NR3C2: variants seen among roughly 807,000 people sequenced by gnomAD.
The protein encoded by NR3C2 is mineralocorticoid receptor.
NR3C2 carries 15 observed loss-of-function variants against 86.4 expected under a neutral mutation model. The observed-to-expected ratio is 0.17, with a 90% CI of 0.12 to 0.27. The LOEUF is 0.27. NR3C2 is among the 10% of genes least tolerant of loss of function. The probability of loss-of-function intolerance (pLI) is 1.00; values close to 1 mark genes in which losing one functional copy is unlikely to be tolerated. For synonymous variants in NR3C2, 458 were observed against 450.5 expected (o/e 1.02, Z -0.21); for missense variants, 960 against 1,195.6 (o/e 0.80, Z 2.91).
chr4:148,287,299 T>G (rs1429686909), intron 2 of NR3C2, among the ~76,000 whole-genome samples: 1 of 152,252 alleles, frequency 6.6e-6, no homozygotes, highest in African/African-American at 2.4e-5. Context: ...TCTGATGCTC[T>G]GCCAGACACT....
intron 2 of NR3C2, among the ~76,000 whole-genome samples, chr4:148,400,762 G>C (rs953597210): frequency 8.0e-6 from 1 of 124,432 alleles, no homozygotes; most frequent in Non-Finnish European, 1.6e-5. Context: ...CTGGGCGACT[G>C]AGTGAGACTC....
At chr4:148,107,997 A>G (rs1413580266) in intron 8 of NR3C2, among the ~76,000 whole-genome samples, 3 of 152,230 alleles carry the variant, frequency 2.0e-5, no homozygotes, top group Non-Finnish European at 4.4e-5. Flanking sequence ...CATGTATCCC[A>G]GAACTTAAAG....
intron 2 of NR3C2, among the ~76,000 whole-genome samples, chr4:148,302,846 C>CAA (rs35574035): frequency 0.045 from 3,953 of 88,366 alleles, 235 homozygotes; most frequent in African/African-American, 0.17. Flanking sequence ...AACTCCGTCT[C>CAA]AAAAAAAAAA....
intron 2 of NR3C2, among the ~76,000 whole-genome samples, chr4:148,399,423 TTATA>T (rs1748027760): frequency 6.6e-6 from 1 of 151,762 alleles, no homozygotes; most frequent in Admixed American, 6.6e-5. Context: ...ATATAGTGTA[TTATA>T]TATAATTAAT....
At chr4:148,442,707 G>T (rs895353722), upstream of NR3C2, 1 of 985,410 alleles carries the variant, frequency 1.0e-6, no homozygotes, top group Non-Finnish European at 1.2e-6. Flanking sequence ...ACACAGCCTG[G>T]ACTCGGCAGC....
chr4:148,148,340 C>T (rs568313076), intron 6 of NR3C2, among the ~76,000 whole-genome samples: 13 of 152,328 alleles, frequency 8.5e-5, no homozygotes, highest in South Asian at 2.1e-4. Context: ...GGATTCCCAT[C>T]GCAGCCTCCT....
chr4:148,388,364 C>T (rs1327551647), intron 2 of NR3C2, among the ~76,000 whole-genome samples: 1 of 152,152 alleles, frequency 6.6e-6, no homozygotes, highest in Non-Finnish European at 1.5e-5. Context: ...CAAAACACTC[C>T]AGTGAGCATT....
intron 2 of NR3C2, among the ~76,000 whole-genome samples, chr4:148,279,083 A>G (rs1741108148): frequency 6.6e-6 from 1 of 152,136 alleles, no homozygotes; most frequent in Non-Finnish European, 1.5e-5. Context: ...GAATTGCTTG[A>G]ACTCAGGAGG....
chr4:148,321,610 T>C (rs1212492094), intron 2 of NR3C2, among the ~76,000 whole-genome samples: 7 of 152,208 alleles, frequency 4.6e-5, no homozygotes, highest in Non-Finnish European at 8.8e-5. Context: ...TCTTGTTGAA[T>C]TGATCCTTTT....
chr4:148,428,014 C>T (rs1034248139), intron 2 of NR3C2, among the ~76,000 whole-genome samples: 4 of 152,162 alleles, frequency 2.6e-5, no homozygotes, highest in Non-Finnish European at 4.4e-5. Flanking sequence ...TTTCAAAGTA[C>T]CTTCCACAAA....
At chr4:148,379,190 G>A (rs1746833400) in intron 2 of NR3C2, among the ~76,000 whole-genome samples, 1 of 151,760 alleles carries the variant, frequency 6.6e-6, no homozygotes, top group East Asian at 1.9e-4. Flanking sequence ...ATCTCTTTCA[G>A]AATGTGCATA....
At chr4:148,247,796 A>G (rs148602538) in intron 3 of NR3C2, among the ~76,000 whole-genome samples, 1 of 151,840 alleles carries the variant, frequency 6.6e-6, no homozygotes, top group Non-Finnish European at 1.5e-5. Flanking sequence ...TTTATCCCAA[A>G]TTGGCTCTAG....
chr4:148,404,307 TAAAAG>T (rs1483973656), intron 2 of NR3C2, among the ~76,000 whole-genome samples: 2 of 152,242 alleles, frequency 1.3e-5, no homozygotes, highest in East Asian at 3.9e-4. Flanking sequence ...AGGATTCACT[TAAAAG>T]AAGTGTTCAT....
intron 4 of NR3C2, among the ~76,000 whole-genome samples, chr4:148,184,474 G>A (rs1406972740): frequency 2.6e-5 from 4 of 151,536 alleles, no homozygotes; most frequent in Admixed American, 6.6e-5. Context: ...AAAAAAGAAT[G>A]ATAAGGATAG....
At chr4:148,388,099 G>A (rs72656897) in intron 2 of NR3C2, among the ~76,000 whole-genome samples, 199 of 152,206 alleles carry the variant, frequency 1.3e-3, no homozygotes, top group African/African-American at 4.5e-3. Context: ...TGTCTTGTTT[G>A]GAAATTCTAA....
chr4:148,087,314 G>A (rs1431599701), intron 8 of NR3C2, among the ~76,000 whole-genome samples: 2 of 152,058 alleles, frequency 1.3e-5, no homozygotes, highest in South Asian at 2.1e-4. Flanking sequence ...GAAAATGGCC[G>A]TACTGCCCAA....
Position 148,154,782 on chromosome 4 carries a change from C to G in NR3C2, c.2134G>C (p.Ala712Pro), listed in dbSNP as rs1202370477. ...QSPEEGTTYIAPAKEPSVNTA... is the reference protein window; with the variant it reads ...QSPEEGTTYIPPAKEPSVNTA... ...TTGACCGAGGGTTCTTTTGCAGGAG[C>G]GATGTACGTTGTCCCTTCCTCTGGG... Residue 712 changes from alanine (A) to proline (P), a missense_variant, in exon 5 of 9, where the codon GCT (alanine) becomes CCT (proline). By Grantham distance (27) the Ala-to-Pro change is conservative. This residue lies in a region of NR3C2 where 82 missense variants were observed against 73.0 expected (regional missense o/e 1.12). Transcript: ENST00000358102. 2.0e-6 allele frequency: 3 copies of G among 1,531,610 alleles called. No homozygotes were observed. The highest frequency in any genetic ancestry group is 2.6e-6 in the Non-Finnish European group (3 of 1,140,130). 94.9% of individuals were successfully genotyped at this position (1,531,610 alleles called of 1,614,324 possible).
intron 3 of NR3C2, among the ~76,000 whole-genome samples, chr4:148,249,354 C>A (rs1276592165): frequency 6.6e-6 from 1 of 151,848 alleles, no homozygotes; most frequent in Non-Finnish European, 1.5e-5. Context: ...GTAAAAAGAA[C>A]TTAATGAGCC....
intron 2 of NR3C2, among the ~76,000 whole-genome samples, chr4:148,269,937 T>C (rs1053457154): frequency 6.6e-6 from 1 of 152,184 alleles, no homozygotes; most frequent in African/African-American, 2.4e-5. Context: ...ATAATGTAAC[T>C]TTTCCCCCTT....
Sources: gnomAD v4.1 joint callset for allele counts (sites outside exome capture counted in the v4.1 genomes callset) on GRCh38, gnomAD v4.1.1 for gene constraint, gnomAD v4.1.1 regional missense constraint, MANE v1.5 for transcripts, NCBI Gene and HGNC (gene_info 2026-07-23, HGNC 2026-07-21) for gene names.